Variants in PRKCQ observed in about 807,000 individuals in gnomAD.
PRKCQ encodes protein kinase C theta, also known as protein kinase C theta type.
In PRKCQ, 41 loss-of-function variants were observed where a neutral mutation model predicts 91.2. That is an observed-to-expected ratio of 0.45 (90% CI 0.35 to 0.58). PRKCQ has a LOEUF of 0.58. PRKCQ is among the 20% of genes least tolerant of loss of function. The pLI, the probability that PRKCQ is intolerant of heterozygous loss-of-function variation, is 0.00. For missense variants in PRKCQ, 673 were observed against 896.5 expected (o/e 0.75, Z 3.18); for synonymous variants, 307 against 316.9 (o/e 0.97, Z 0.33).
At chr10:6,482,357 G>A (rs917846515) in intron 11 of PRKCQ, among the ~76,000 whole-genome samples, 1 of 152,148 alleles carries the variant, frequency 6.6e-6, no homozygotes. Context: ...AGCTACTAGG[G>A]AGCTGAGACA....
At chr10:6,545,348 C>T (rs1301590551) in intron 1 of PRKCQ, among the ~76,000 whole-genome samples, 2 of 152,174 alleles carry the variant, frequency 1.3e-5, no homozygotes, top group African/African-American at 2.4e-5. Context: ...CCTACTGATC[C>T]GATTTTACAG....
intron 1 of PRKCQ, among the ~76,000 whole-genome samples, chr10:6,549,095 T>C (rs907161493): frequency 5.3e-5 from 8 of 152,142 alleles, no homozygotes; most frequent in African/African-American, 1.7e-4. Context: ...TACATTCTAA[T>C]GGGAGCGATG....
At chr10:6,504,821 T>C (rs1043469622) in intron 4 of PRKCQ, among the ~76,000 whole-genome samples, 1 of 152,194 alleles carries the variant, frequency 6.6e-6, no homozygotes, top group African/African-American at 2.4e-5. Context: ...TAGATTTTTT[T>C]GACACATAAA....
intron 14 of PRKCQ, among the ~76,000 whole-genome samples, chr10:6,458,806 T>C (rs1835166878): frequency 6.6e-6 from 1 of 152,204 alleles, no homozygotes; most frequent in Non-Finnish European, 1.5e-5. Flanking sequence ...CCCAGTTTTA[T>C]TGTCAATAAA....
intron 1 of PRKCQ, among the ~76,000 whole-genome samples, chr10:6,570,787 T>A (rs1471257748): frequency 2.6e-5 from 4 of 152,074 alleles, no homozygotes; most frequent in African/African-American, 9.7e-5. Flanking sequence ...ACTCCTGGCC[T>A]CAAGTGATTC....
chr10:6,517,529 A>C (rs1047612708), intron 1 of PRKCQ, among the ~76,000 whole-genome samples: 1 of 145,622 alleles, frequency 6.9e-6, no homozygotes, highest in Admixed American at 6.8e-5. Context: ...CTGTAGCTAC[A>C]TATTTAGTCT....
intron 1 of PRKCQ, among the ~76,000 whole-genome samples, chr10:6,517,345 T>G (rs1005783086): frequency 1.3e-5 from 2 of 152,062 alleles, no homozygotes; most frequent in African/African-American, 4.8e-5. Context: ...TTTTGTGTTT[T>G]TTTTTTTCTT....
the PRKCQ span, among the ~76,000 whole-genome samples, chr10:6,409,098 G>T: frequency 6.6e-6 from 1 of 152,202 alleles, no homozygotes; most frequent in Admixed American, 6.5e-5. Flanking sequence ...CACAGTGAGA[G>T]AGAGGGGAAA....
the PRKCQ span, among the ~76,000 whole-genome samples, chr10:6,409,586 C>A: frequency 6.6e-6 from 1 of 152,204 alleles, no homozygotes; most frequent in Admixed American, 6.5e-5. Flanking sequence ...TGAGCCACTG[C>A]GCCTGGCCTC....
chr10:6,444,906 C>A (rs1299062841), intron 15 of PRKCQ, among the ~76,000 whole-genome samples: 1 of 151,816 alleles, frequency 6.6e-6, no homozygotes, highest in East Asian at 1.9e-4. Flanking sequence ...GGTGGATCAC[C>A]CGAGGTCAGG....
intron 1 of PRKCQ, among the ~76,000 whole-genome samples, chr10:6,569,678 G>A (rs886982375): frequency 1.3e-5 from 2 of 152,142 alleles, no homozygotes; most frequent in African/African-American, 4.8e-5. Context: ...AGAGGAATTG[G>A]GGTGAGTGAA....
chr10:6,518,640 G>T (rs1408409238), intron 1 of PRKCQ, among the ~76,000 whole-genome samples: 1 of 152,098 alleles, frequency 6.6e-6, no homozygotes, highest in Non-Finnish European at 1.5e-5. Context: ...TGGCCAACAT[G>T]GTGAAACCCC....
downstream of PRKCQ, among the ~76,000 whole-genome samples, chr10:6,425,224 TA>T (rs1311692427): frequency 8.7e-6 from 1 of 114,740 alleles, no homozygotes; most frequent in African/African-American, 2.8e-5. Flanking sequence ...GTCTCTCCTC[TA>T]TTTTTTTTTT....
chr10:6,562,726 T>G (rs769309074), intron 1 of PRKCQ, among the ~76,000 whole-genome samples: 1 of 152,194 alleles, frequency 6.6e-6, no homozygotes, highest in Non-Finnish European at 1.5e-5. Context: ...TCAAACTGCT[T>G]GAGTTCAAAT....
At chr10:6,441,615 C>T (rs1386455290) in intron 16 of PRKCQ, among the ~76,000 whole-genome samples, 1 of 152,188 alleles carries the variant, frequency 6.6e-6, no homozygotes, top group Non-Finnish European at 1.5e-5. Context: ...AATGAACCAA[C>T]TACATCTCCA....
At chr10:6,531,911 G>A (rs1014815171) in intron 1 of PRKCQ, among the ~76,000 whole-genome samples, 3 of 152,052 alleles carry the variant, frequency 2.0e-5, no homozygotes, top group African/African-American at 7.3e-5. Context: ...GAAAATTAAG[G>A]TGAGTGATCA....
chr10:6,569,770 T>A (rs533120110), intron 1 of PRKCQ, among the ~76,000 whole-genome samples: 3 of 152,194 alleles, frequency 2.0e-5, no homozygotes, highest in East Asian at 3.9e-4. Context: ...GTGCAGCAGG[T>A]GATGTCTATG....
At chr10:6,422,058 T>C in the PRKCQ span, among the ~76,000 whole-genome samples, 1 of 152,244 alleles carries the variant, frequency 6.6e-6, no homozygotes, top group Non-Finnish European at 1.5e-5. Context: ...GTTTTTATTT[T>C]TTACTTCTTC....
At position 6,482,102 on chromosome 10, in the gene PRKCQ, G is replaced by T. The variant is rs563758496; in HGVS notation, c.1179+1338C>A. On this transcript the variant is annotated intron_variant, in intron 11 of 17. Coordinates refer to ENST00000263125, the MANE Select transcript of PRKCQ (RefSeq NM_006257.5). ...GCATGTATGGCAGGAAGAATTTAGA[G>T]GAGGGACTTTCTCCACAATTTTTTT... Among the ~76,000 whole-genome samples, 9 of 151,702 alleles carry T rather than the reference G, an allele frequency of 5.9e-5. No individual in the cohort carries two copies. The East Asian group carries it at 1.8e-3, about 30-fold the overall frequency.
Sources: gnomAD v4.1 joint callset for allele counts (sites outside exome capture counted in the v4.1 genomes callset) on GRCh38, gnomAD v4.1.1 for gene constraint, MANE v1.5 for transcripts, NCBI Gene and HGNC (gene_info 2026-07-23, HGNC 2026-07-21) for gene names.